Variants in HNRNPC observed in about 807,000 individuals in gnomAD.
HNRNPC encodes the protein heterogeneous nuclear ribonucleoprotein C, also known as heterogeneous nuclear ribonucleoproteins C1/C2.
A neutral mutation model predicts 33.2 loss-of-function variants in HNRNPC; 3 were observed. The ratio of observed to expected loss-of-function variants is 0.09; its 90% CI spans 0.04 to 0.23. The LOEUF (loss-of-function observed/expected upper bound fraction) is 0.23, where lower values mean the gene tolerates loss of function less well. HNRNPC is among the 10% of genes least tolerant of loss of function. The probability of loss-of-function intolerance (pLI) is 1.00; values close to 1 mark genes in which losing one functional copy is unlikely to be tolerated. For missense variants in HNRNPC, 143 were observed against 366.7 expected, an observed-to-expected ratio of 0.39 and a Z score of 4.98; for synonymous variants, 121 against 126.7, an observed-to-expected ratio of 0.96 and a Z score of 0.30.
chr14:21,239,135 A>G (rs1332376207), intron 2 of HNRNPC, among the ~76,000 whole-genome samples: 1 of 152,146 alleles, frequency 6.6e-6, no homozygotes, highest in East Asian at 1.9e-4. Context: ...AAAACAAACA[A>G]ACATACAGTT....
intron 5 of HNRNPC, among the ~76,000 whole-genome samples, chr14:21,215,613 T>C (rs1251172390): frequency 6.6e-6 from 1 of 152,048 alleles, no homozygotes; most frequent in Non-Finnish European, 1.5e-5. Context: ...TAAGACAAAA[T>C]ACACCAGCCA....
intron 2 of HNRNPC, among the ~76,000 whole-genome samples, chr14:21,238,094 T>G (rs1448160465): frequency 3.3e-5 from 5 of 152,206 alleles, no homozygotes; most frequent in Admixed American, 3.3e-4. Flanking sequence ...CTTGCCTTGT[T>G]ACTCCCTTTA....
In HNRNPC at chr14:21,215,914, A is replaced by G. The variant is rs533741400; in HGVS notation, c.366-2797T>C. Among the ~76,000 whole-genome samples the G allele has an allele frequency of 1.9e-4, 27 of 142,208 alleles. No homozygotes were observed. The South Asian group carries it at 4.6e-3, about 24-fold the overall frequency. 93.3% of individuals were successfully genotyped at this position (142,208 alleles called of 152,430 possible). On this transcript the variant is annotated intron_variant, in intron 5 of 8. Transcript: ENST00000553300. ...ACTCCGTCTTAAAAAAAAAAAAAAG[A>G]AAGGAAGAAAGAAAGAAAAGGAAAA...
At chr14:21,266,794 A>T (rs559903701) in intron 1 of HNRNPC, among the ~76,000 whole-genome samples, 2 of 151,970 alleles carry the variant, frequency 1.3e-5, no homozygotes, top group Admixed American at 1.3e-4. Context: ...AATAACTACC[A>T]ATTTAGAAAA....
intron 2 of HNRNPC, among the ~76,000 whole-genome samples, chr14:21,257,967 T>G (rs968999044): frequency 6.6e-6 from 1 of 152,180 alleles, no homozygotes; most frequent in Non-Finnish European, 1.5e-5. Context: ...ACCTTGCACA[T>G]ATACACATCT....
intron 6 of HNRNPC, 29 bp downstream of exon 6, chr14:21,212,931 C>T: frequency 6.2e-7 from 1 of 1,612,592 alleles, no homozygotes; most frequent in Non-Finnish European, 8.5e-7. Context: ...ACAAGAGATA[C>T]CAAAATCACA....
At chr14:21,218,742 G>A (rs1231187032) in intron 5 of HNRNPC, among the ~76,000 whole-genome samples, 1 of 143,420 alleles carries the variant, frequency 7.0e-6, no homozygotes, top group Non-Finnish European at 1.5e-5. Context: ...GCTCTCATGT[G>A]TAATCCCAGC....
intron 2 of HNRNPC, 77 bp from the exon 3 acceptor site, chr14:21,234,306 C>T (rs1392879263): frequency 3.1e-6 from 4 of 1,308,936 alleles, no homozygotes; most frequent in African/African-American, 3.0e-5. Flanking sequence ...TCCACTCTCA[C>T]TCTGAATCAC....
At chr14:21,231,540 G>C in intron 3 of HNRNPC, 1 of 385,314 alleles carries the variant, frequency 2.6e-6, no homozygotes, top group Non-Finnish European at 5.2e-6. Flanking sequence ...TTGGGGTCAC[G>C]TGATCTGCCT....
At chr14:21,217,696 CAA>C (rs769679503) in intron 5 of HNRNPC, among the ~76,000 whole-genome samples, 2 of 152,062 alleles carry the variant, frequency 1.3e-5, no homozygotes, top group Non-Finnish European at 2.9e-5. Flanking sequence ...GAAAGAATTA[CAA>C]ATATTAGTAT....
intron 2 of HNRNPC, among the ~76,000 whole-genome samples, chr14:21,247,784 T>G (rs1290499887): frequency 6.9e-6 from 1 of 145,596 alleles, no homozygotes; most frequent in East Asian, 2.0e-4. Flanking sequence ...ACCCCATCTC[T>G]ACTAACATGG....
chr14:21,222,974 C>A (rs1893001102), intron 5 of HNRNPC, among the ~76,000 whole-genome samples: 1 of 151,928 alleles, frequency 6.6e-6, no homozygotes, highest in Non-Finnish European at 1.5e-5. Flanking sequence ...GCTGAGGCGG[C>A]CAGATCTCGA....
chr14:21,239,792 T>G (rs1895141797), intron 2 of HNRNPC, among the ~76,000 whole-genome samples: 1 of 152,052 alleles, frequency 6.6e-6, no homozygotes, highest in Non-Finnish European at 1.5e-5. Context: ...GAAAATCCCT[T>G]GAACCCGTGA....
chr14:21,231,481 G>T, intron 3 of HNRNPC: 1 of 446,168 alleles, frequency 2.2e-6, no homozygotes, highest in South Asian at 1.6e-5. Flanking sequence ...CCAAGTAGCA[G>T]GGACCACCAC....
At chr14:21,261,345 T>C (rs1305869348) in intron 2 of HNRNPC, among the ~76,000 whole-genome samples, 4 of 152,212 alleles carry the variant, frequency 2.6e-5, no homozygotes, top group Non-Finnish European at 5.9e-5. Context: ...ACAGCTTCCG[T>C]ACACTGACAG....
chr14:21,231,509 ATT>A, intron 3 of HNRNPC: 1 of 411,368 alleles, frequency 2.4e-6, no homozygotes, highest in Non-Finnish European at 4.9e-6. Context: ...TAATTTTTCT[ATT>A]TTTCGTAGGG....
chr14:21,251,639 G>T lies in HNRNPC; in HGVS notation c.-37+11672C>A, dbSNP rs942238766. On this transcript the variant is annotated intron_variant, in intron 2 of 8. Transcript: ENST00000553300. ...GGAGGTTGCAGTGAGCCAAGACTGC[G>T]CCGCTGCACTCCAGCCTGGGCAACA... Among the ~76,000 whole-genome samples, 4 of 151,288 alleles carry T rather than the reference G, an allele frequency of 2.6e-5. No homozygotes were observed. In the South Asian group the frequency reaches 8.4e-4, roughly 32 times the overall value.
At chr14:21,219,662 C>G (rs1324657901) in intron 5 of HNRNPC, among the ~76,000 whole-genome samples, 1 of 152,122 alleles carries the variant, frequency 6.6e-6, no homozygotes, top group Non-Finnish European at 1.5e-5. Context: ...TCATTTCTTC[C>G]TTACCGCCAC....
At chr14:21,218,057 G>C (rs1418161822) in intron 5 of HNRNPC, among the ~76,000 whole-genome samples, 1 of 152,082 alleles carries the variant, frequency 6.6e-6, no homozygotes, top group Non-Finnish European at 1.5e-5. Context: ...AAAAATCCCT[G>C]GCTTTTCTTG....
Sources: allele counts gnomAD v4.1 joint callset (sites outside exome capture counted in the v4.1 genomes callset), GRCh38; gene constraint gnomAD v4.1.1; transcripts MANE v1.5; gene names NCBI Gene and HGNC (gene_info 2026-07-23, HGNC 2026-07-21).